The following FOXE3 variants were observed in gnomAD, a reference collection of about 807,000 sequenced individuals.
The protein encoded by FOXE3 is forkhead box E3.
For missense variants in FOXE3, 520 were observed against 507.8 expected (o/e 1.02, Z -0.23); for synonymous variants, 274 against 258.3 (o/e 1.06, Z -0.58).
At position 47,416,723 on chromosome 1, in the gene FOXE3, G is replaced by A. The variant is rs780736595; in HGVS notation, c.408G>A (p.Pro136=). ...GCTTCGTCAAGGTGCCCCGCGAGCC[G>A]GGCAACCCGGGCAAGGGCAACTACT... ...NDCFVKVPRE[P]GNPGKGNYWT... The change falls in exon 1 of 1, where the codon CCG becomes CCA. Residue 136 remains proline (P), a synonymous_variant. Coordinates refer to ENST00000335071, the MANE Select transcript of FOXE3 (RefSeq NM_012186.3). This position sits in a 1 kb window ranked among gnomAD's most constrained non-coding sequence, Gnocchi z 4.2. The A allele has an allele frequency of 4.4e-6, 7 of 1,608,904 alleles. No individual in the cohort carries two copies. Among genetic ancestry groups the A allele is most frequent in the African/African-American group, 1.3e-5 (1 of 74,726 alleles).
In FOXE3 at chr1:47,417,190, C is replaced by G; in HGVS notation, c.875C>G (p.Pro292Arg). The G allele has an allele frequency of 7.3e-7, 1 of 1,376,468 alleles. No homozygotes were observed. The highest frequency in any genetic ancestry group is 9.3e-7 in the Non-Finnish European group (1 of 1,074,254). 85.3% of individuals were successfully genotyped at this position (1,376,468 alleles called of 1,614,324 possible). Reference sequence around the variant, plus strand: ...GAGCCCCTCCTGGCCTTGGCCGGGCCGGCAGCCGCTCTCGGCCCGCTCAGC... The same window carrying G: ...GAGCCCCTCCTGGCCTTGGCCGGGCGGGCAGCCGCTCTCGGCCCGCTCAGC... Reference protein sequence around the residue: ...PAEPLLALAGPAAALGPLSPG... With the variant: ...PAEPLLALAGRAAALGPLSPG... The change falls in exon 1 of 1, where the codon CCG (proline) becomes CGG (arginine). Residue 292 changes from proline (P) to arginine (R), a missense_variant. Transcript: ENST00000335071. The surrounding 1 kb of genome is among the most constrained non-coding windows in gnomAD (Gnocchi z 4.3).
rs1301999334 is a variant in FOXE3, at chr1:47,417,695, A to T, written c.*420A>T. The T allele has an allele frequency of 5.7e-6, 1 of 175,000 alleles. No homozygotes were observed. The highest frequency in any genetic ancestry group is 2.4e-5 in the African/African-American group (1 of 41,726). The allele number at this position is 175,000 out of a possible 1,614,324, so 10.8% of individuals were successfully genotyped here. A position where few individuals can be genotyped will look rare whatever the true frequency, so the allele number is the denominator to read the frequency against. ...CCGCCTCCTCCACCGACTGTACTTCATCAACCTTCTCTCATGTTTTTCCGA... is the reference window on the plus strand; with the variant it reads ...CCGCCTCCTCCACCGACTGTACTTCTTCAACCTTCTCTCATGTTTTTCCGA... On this transcript the variant is annotated 3_prime_UTR_variant, in exon 1 of 1. Transcript: ENST00000335071. The surrounding 1 kb of genome is among the most constrained non-coding windows in gnomAD (Gnocchi z 4.3).
At position 47,417,271 on chromosome 1, in the gene FOXE3, T is replaced by C; in HGVS notation, c.956T>C (p.Leu319Pro). 7.4e-7 allele frequency: 1 copy of C among 1,357,144 alleles called. No individual in the cohort carries two copies. The highest frequency in any genetic ancestry group is 2.7e-4 in the Middle Eastern group (1 of 3,658). 84.1% of individuals were successfully genotyped at this position (1,357,144 alleles called of 1,614,324 possible). Residue 319 changes from leucine to proline, a missense_variant, in exon 1 of 1, where the codon CTG (leucine) becomes CCG (proline). Transcript: ENST00000335071. The surrounding 1 kb of genome is among the most constrained non-coding windows in gnomAD (Gnocchi z 4.3). ...PGFASGLERY[L>P] ...TTCGCGTCGGGGCTGGAGCGCTACC[T>C]GTGAGCCTGCGCCGCGCGGGCAGGC... is the stretch of plus-strand genomic sequence containing the variant.
chr1:47,416,557 C>T lies in FOXE3; in HGVS notation c.242C>T (p.Ala81Val), dbSNP rs2124042150. The change falls in exon 1 of 1, where the codon GCC becomes GTC. Residue 81 changes from alanine to valine, a missense_variant. Ala to Val is a moderately conservative substitution (Grantham distance 64). Coordinates refer to ENST00000335071, the MANE Select transcript of FOXE3 (RefSeq NM_012186.3). This position sits in a 1 kb window ranked among gnomAD's most constrained non-coding sequence, Gnocchi z 4.2. ...KPPYSYIALI[A>V]MALAHAPGRR... The stretch of plus-strand genomic sequence containing the variant: ...CCCTACTCGTACATCGCGCTCATCG[C>T]CATGGCTCTGGCGCACGCCCCGGGC... 1 of 1,596,386 alleles carries T rather than the reference C, an allele frequency of 6.3e-7. No homozygotes were observed. The highest frequency in any genetic ancestry group is 1.7e-4 in the Middle Eastern group (1 of 5,788).
In FOXE3 at chr1:47,416,457, C is replaced by T; in HGVS notation, c.142C>T (p.Arg48Cys). 2 of 1,113,674 alleles carry T rather than the reference C, an allele frequency of 1.8e-6. No individual in the cohort carries two copies. Among genetic ancestry groups the T allele is most frequent in the Non-Finnish European group, 2.2e-6 (2 of 912,032 alleles). The allele number at this position is 1,113,674 out of a possible 1,614,324, so 69.0% of individuals were successfully genotyped here. The change falls in exon 1 of 1, where the codon CGC becomes TGC. Residue 48 changes from arginine to cysteine, a missense_variant. Physicochemically the swap from Arg to Cys is radical, Grantham distance 180 (BLOSUM62 -3). Coordinates refer to ENST00000335071, the MANE Select transcript of FOXE3 (RefSeq NM_012186.3). This position sits in a 1 kb window ranked among gnomAD's most constrained non-coding sequence, Gnocchi z 4.2. ...GREPEEAAAGRGEAAPTPAPG... is the reference protein window; with the variant it reads ...GREPEEAAAGCGEAAPTPAPG... The stretch of plus-strand genomic sequence containing the variant: ...GGAGCCAGAGGAGGCGGCGGCTGGC[C>T]GCGGAGAGGCGGCCCCCACGCCCGC...
Position 47,417,381 on chromosome 1 carries a change from GC to G in FOXE3, c.*107del. 1 of 965,292 alleles carries G rather than the reference GC, an allele frequency of 1.0e-6. No homozygotes were observed. The highest frequency in any genetic ancestry group is 1.4e-6 in the Non-Finnish European group (1 of 736,462). 59.8% of individuals were successfully genotyped at this position (965,292 alleles called of 1,614,324 possible). A position where few individuals can be genotyped will look rare whatever the true frequency, so the allele number is the denominator to read the frequency against. ...CCCACCCTGGCTTGGAGCACACCCT[GC>G]GCCTCTCGTCGTGGCCTCCTGGACT... On this transcript the variant is annotated 3_prime_UTR_variant, in exon 1 of 1. Coordinates refer to ENST00000335071, the MANE Select transcript of FOXE3 (RefSeq NM_012186.3). This position sits in a 1 kb window ranked among gnomAD's most constrained non-coding sequence, Gnocchi z 4.3.
Position 47,416,749 on chromosome 1 carries a change from G to A in FOXE3, c.434G>A (p.Trp145Ter). 6.2e-7 allele frequency: 1 copy of A among 1,606,904 alleles called. No individual in the cohort carries two copies. Among genetic ancestry groups the A allele is most frequent in the Non-Finnish European group, 8.5e-7 (1 of 1,176,798 alleles). ...GGCAACCCGGGCAAGGGCAACTACT[G>A]GACGCTGGACCCCGCGGCCGCAGAC... ...EPGNPGKGNY[W>*]TLDPAAADMF... The change falls in exon 1 of 1, where the codon TGG (tryptophan) becomes TAG (stop). Residue 145 changes from tryptophan to a stop codon, truncating the protein, a stop_gained. Transcript: ENST00000335071. LOFTEE classifies it low-confidence loss of function (END_TRUNC). The surrounding 1 kb of genome is among the most constrained non-coding windows in gnomAD (Gnocchi z 4.2).
At position 47,417,635 on chromosome 1, in the gene FOXE3, T is replaced by A; in HGVS notation, c.*360T>A. The A allele has an allele frequency of 4.8e-6, 1 of 207,534 alleles. No individual in the cohort carries two copies. The highest frequency in any genetic ancestry group is 1.1e-5 in the Non-Finnish European group (1 of 94,720). The allele number at this position is 207,534 out of a possible 1,614,324, so 12.9% of individuals were successfully genotyped here. ...CCATACCCCAGGTTTCCTGGTGAGT[T>A]CCAAGCCTTTGGAAGCCAGATCTGT... On this transcript the variant is annotated 3_prime_UTR_variant, in exon 1 of 1. Transcript: ENST00000335071. This position sits in a 1 kb window ranked among gnomAD's most constrained non-coding sequence, Gnocchi z 4.3.
rs760754298 is a variant in FOXE3 at position 47,416,687 on chromosome 1, G to A, written c.372G>A (p.Thr124=). ...KWQNSIRHNL[T]LNDCFVKVPR... is the part of the protein sequence containing the mutation. ...AGAACAGCATCCGCCACAATCTCAC[G>A]CTCAACGACTGCTTCGTCAAGGTGC... Residue 124 remains threonine, a synonymous_variant, in exon 1 of 1, where the codon ACG becomes ACA. Coordinates refer to ENST00000335071, the MANE Select transcript of FOXE3 (RefSeq NM_012186.3). The surrounding 1 kb of genome is among the most constrained non-coding windows in gnomAD (Gnocchi z 4.2). The A allele has an allele frequency of 6.2e-7, 1 of 1,609,498 alleles. No homozygotes were observed. Among genetic ancestry groups the A allele is most frequent in the Non-Finnish European group, 8.5e-7 (1 of 1,177,698 alleles).
At position 47,417,439 on chromosome 1, in the gene FOXE3, A is replaced by C; in HGVS notation, c.*164A>C. ...CCTGCTACATCCTTCTCCGTCCCCC[A>C]TCCCTGGGGAGGCTCCCACCATCTC... On this transcript the variant is annotated 3_prime_UTR_variant, in exon 1 of 1. Transcript: ENST00000335071. The surrounding 1 kb of genome is among the most constrained non-coding windows in gnomAD (Gnocchi z 4.3). 2 of 478,986 alleles carry C rather than the reference A, an allele frequency of 4.2e-6. No individual in the cohort carries two copies. The highest frequency in any genetic ancestry group is 6.8e-6 in the Non-Finnish European group (2 of 293,022). 29.7% of individuals were successfully genotyped at this position (478,986 alleles called of 1,614,324 possible). A position where few individuals can be genotyped will look rare whatever the true frequency, so the allele number is the denominator to read the frequency against.
Position 47,417,585 on chromosome 1 carries a change from C to T in FOXE3, c.*310C>T. On this transcript the variant is annotated 3_prime_UTR_variant, in exon 1 of 1. Coordinates refer to ENST00000335071, the MANE Select transcript of FOXE3 (RefSeq NM_012186.3). The surrounding 1 kb of genome is among the most constrained non-coding windows in gnomAD (Gnocchi z 4.3). ...AGCGCTGTCTGTGGGTCCCTTGCCC[C>T]GGAGCTGACTCGCCTCCAGTGAGTC... is the stretch of plus-strand genomic sequence containing the variant. 3.7e-6 allele frequency: 1 copy of T among 270,066 alleles called. No individual in the cohort carries two copies. The highest frequency in any genetic ancestry group is 2.2e-5 in the African/African-American group (1 of 44,788). 16.7% of individuals were successfully genotyped at this position (270,066 alleles called of 1,614,324 possible).
Position 47,416,913 on chromosome 1 carries a change from C to A in FOXE3, c.598C>A (p.Leu200Met). The A allele has an allele frequency of 7.6e-7, 1 of 1,317,414 alleles. No individual in the cohort carries two copies. 81.6% of individuals were successfully genotyped at this position (1,317,414 alleles called of 1,614,324 possible). ...PYAPAPGPALLVPPPSAGPGP... is the reference protein window; with the variant it reads ...PYAPAPGPALMVPPPSAGPGP... ...CGCGCCCGCGCCCGGCCCCGCGCTGCTGGTGCCGCCGCCTTCTGCCGGACC... is the reference window on the plus strand; with the variant it reads ...CGCGCCCGCGCCCGGCCCCGCGCTGATGGTGCCGCCGCCTTCTGCCGGACC... Residue 200 changes from leucine to methionine, a missense_variant, in exon 1 of 1, where the codon CTG becomes ATG. Transcript: ENST00000335071. This position sits in a 1 kb window ranked among gnomAD's most constrained non-coding sequence, Gnocchi z 4.2.
At position 47,416,968 on chromosome 1, in the gene FOXE3, G is replaced by T; in HGVS notation, c.653G>T (p.Ser218Ile). ...PGPSPPARLF[S>I]VDSLVNLQPE... is the part of the protein sequence containing the mutation. The stretch of plus-strand genomic sequence containing the variant: ...CCCTCGCCGCCCGCGCGTCTGTTCA[G>T]CGTCGACAGCCTGGTGAACCTGCAG... Residue 218 changes from serine to isoleucine, a missense_variant, in exon 1 of 1, where the codon AGC (serine) becomes ATC (isoleucine). By Grantham distance (142) the Ser-to-Ile change is moderately radical. Coordinates refer to ENST00000335071, the MANE Select transcript of FOXE3 (RefSeq NM_012186.3). This position sits in a 1 kb window ranked among gnomAD's most constrained non-coding sequence, Gnocchi z 4.2. 1 of 1,351,776 alleles carries T rather than the reference G, an allele frequency of 7.4e-7. No homozygotes were observed. The allele number at this position is 1,351,776 out of a possible 1,614,324, so 83.7% of individuals were successfully genotyped here. A position where few individuals can be genotyped will look rare whatever the true frequency, so the allele number is the denominator to read the frequency against.
In FOXE3 at chr1:47,417,183, G is replaced by A; in HGVS notation, c.868G>A (p.Ala290Thr). ...PLPAEPLLAL[A>T]GPAAALGPLS... The stretch of plus-strand genomic sequence containing the variant: ...GCCCGCTGAGCCCCTCCTGGCCTTG[G>A]CCGGGCCGGCAGCCGCTCTCGGCCC... Residue 290 changes from alanine (A) to threonine (T), a missense_variant, in exon 1 of 1, where the codon GCC (alanine) becomes ACC (threonine). Ala to Thr is a moderately conservative substitution (Grantham distance 58, BLOSUM62 0). Transcript: ENST00000335071. This position sits in a 1 kb window ranked among gnomAD's most constrained non-coding sequence, Gnocchi z 4.3. The A allele has an allele frequency of 1.4e-6, 2 of 1,380,272 alleles. No homozygotes were observed. The highest frequency in any genetic ancestry group is 3.3e-5 in the South Asian group (2 of 59,898). The allele number at this position is 1,380,272 out of a possible 1,614,324, so 85.5% of individuals were successfully genotyped here.
chr1:47,417,565 T>G lies in FOXE3; in HGVS notation c.*290T>G, dbSNP rs1372639422. The G allele has an allele frequency of 1.7e-5, 5 of 287,648 alleles. No individual in the cohort carries two copies. Among genetic ancestry groups the G allele is most frequent in the South Asian group, 1.7e-4 (1 of 5,996 alleles). The allele number at this position is 287,648 out of a possible 1,614,324, so 17.8% of individuals were successfully genotyped here. A position where few individuals can be genotyped will look rare whatever the true frequency, so the allele number is the denominator to read the frequency against. On this transcript the variant is annotated 3_prime_UTR_variant, in exon 1 of 1. Coordinates refer to ENST00000335071, the MANE Select transcript of FOXE3 (RefSeq NM_012186.3). The surrounding 1 kb of genome is among the most constrained non-coding windows in gnomAD (Gnocchi z 4.3). The stretch of plus-strand genomic sequence containing the variant: ...TTTGCGGCGCCCCCCACCCCAGCGC[T>G]GTCTGTGGGTCCCTTGCCCCGGAGC...
chr1:47,416,820 C>T lies in FOXE3; in HGVS notation c.505C>T (p.Arg169Cys), dbSNP rs1035424807. 1 of 1,553,218 alleles carries T rather than the reference C, an allele frequency of 6.4e-7. No individual in the cohort carries two copies. The highest frequency in any genetic ancestry group is 2.6e-5 in the East Asian group (1 of 38,672). The change falls in exon 1 of 1, where the codon CGC becomes TGC. Residue 169 changes from arginine to cysteine, a missense_variant. Physicochemically the swap from Arg to Cys is radical, Grantham distance 180. Coordinates refer to ENST00000335071, the MANE Select transcript of FOXE3 (RefSeq NM_012186.3). The surrounding 1 kb of genome is among the most constrained non-coding windows in gnomAD (Gnocchi z 4.2). ...SFLRRRKRFK[R>C]AELPAHAAAA... ...CCTGCGGCGCCGCAAGCGCTTCAAG[C>T]GCGCCGAGCTGCCCGCGCACGCGGC...
rs1268609111 is a variant in FOXE3 at position 47,417,910 on chromosome 1, G to A, written c.*635G>A. ...GGACACTTCTTGGAGATTTCAGACA[G>A]GCAGCACCAGGGCTCCTGACTGAAA... is the stretch of plus-strand genomic sequence containing the variant. On this transcript the variant is annotated 3_prime_UTR_variant, in exon 1 of 1. Coordinates refer to ENST00000335071, the MANE Select transcript of FOXE3 (RefSeq NM_012186.3). The surrounding 1 kb of genome is among the most constrained non-coding windows in gnomAD (Gnocchi z 4.3). 6.0e-6 allele frequency: 1 copy of A among 167,102 alleles called. No individual in the cohort carries two copies. The highest frequency in any genetic ancestry group is 1.5e-5 in the Non-Finnish European group (1 of 68,150). The allele number at this position is 167,102 out of a possible 1,614,324, so 10.4% of individuals were successfully genotyped here. A position where few individuals can be genotyped will look rare whatever the true frequency, so the allele number is the denominator to read the frequency against.
Position 47,417,562 on chromosome 1 carries a change from C to A in FOXE3, c.*287C>A. 3.3e-6 allele frequency: 1 copy of A among 306,672 alleles called. No homozygotes were observed. Among genetic ancestry groups the A allele is most frequent in the African/African-American group, 2.2e-5 (1 of 45,690 alleles). The allele number at this position is 306,672 out of a possible 1,614,324, so 19.0% of individuals were successfully genotyped here. A position where few individuals can be genotyped will look rare whatever the true frequency, so the allele number is the denominator to read the frequency against. On this transcript the variant is annotated 3_prime_UTR_variant, in exon 1 of 1. Transcript: ENST00000335071. This position sits in a 1 kb window ranked among gnomAD's most constrained non-coding sequence, Gnocchi z 4.3. Reference sequence around the variant, plus strand: ...AGCTTTGCGGCGCCCCCCACCCCAGCGCTGTCTGTGGGTCCCTTGCCCCGG... The same window carrying A: ...AGCTTTGCGGCGCCCCCCACCCCAGAGCTGTCTGTGGGTCCCTTGCCCCGG...
In FOXE3 at chr1:47,416,581, G is replaced by A. The variant is rs1289511554; in HGVS notation, c.266G>A (p.Gly89Asp). Residue 89 changes from glycine (G) to aspartate (D), a missense_variant, in exon 1 of 1, where the codon GGC becomes GAC. Gly to Asp is a moderately conservative substitution (Grantham distance 94, BLOSUM62 -1). Transcript: ENST00000335071. This position sits in a 1 kb window ranked among gnomAD's most constrained non-coding sequence, Gnocchi z 4.2. ...GCCATGGCTCTGGCGCACGCCCCGG[G>A]CCGCCGCCTCACGCTGGCCGCCATC... ...LIAMALAHAP[G>D]RRLTLAAIYR... is the part of the protein sequence containing the mutation. 1.2e-6 allele frequency: 2 copies of A among 1,605,744 alleles called. No homozygotes were observed. Among genetic ancestry groups the A allele is most frequent in the Non-Finnish European group, 1.7e-6 (2 of 1,176,068 alleles).
Sources: gnomAD v4.1 joint callset for allele counts on GRCh38, gnomAD v4.1.1 for gene constraint, Gnocchi (gnomAD v3.1) non-coding constraint, MANE v1.5 for transcripts, NCBI Gene and HGNC (gene_info 2026-07-23, HGNC 2026-07-21) for gene names.